DIAPH2: variants seen among roughly 807,000 people sequenced by gnomAD.
The protein encoded by DIAPH2 is diaphanous related formin 2.
A neutral mutation model predicts 92.7 loss-of-function variants in DIAPH2; 35 were observed. That is an observed-to-expected ratio of 0.38 (90% CI 0.29 to 0.50). The LOEUF (loss-of-function observed/expected upper bound fraction) is 0.50, where lower values mean the gene tolerates loss of function less well. Ranked by LOEUF, DIAPH2 falls within the 20% of genes least tolerant of loss-of-function variation. The pLI is 0.94. For missense variants in DIAPH2, 701 were observed against 819.5 expected, an observed-to-expected ratio of 0.86 and a Z score of 1.77; for synonymous variants, 301 against 280.4, an observed-to-expected ratio of 1.07 and a Z score of -0.73.
At chrX:97,184,842 T>G (rs2147468689) in intron 22 of DIAPH2, among the ~76,000 whole-genome samples, 1 of 111,620 alleles carries the variant, frequency 9.0e-6, no homozygotes, top group Non-Finnish European at 1.9e-5. Flanking sequence ...GAAATCTTGT[T>G]TATTGTAAGG....
chrX:97,161,051 G>GTTTTTTTT (rs533317066), intron 22 of DIAPH2, among the ~76,000 whole-genome samples: 18 of 88,914 alleles, frequency 2.0e-4, no homozygotes, highest in African/African-American at 2.9e-4. Context: ...TTGTTTTTTT[G>GTTTTTTTT]TTTTTTTTTT....
intron 26 of DIAPH2, among the ~76,000 whole-genome samples, chrX:97,489,286 C>T (rs1188156232): frequency 3.6e-5 from 4 of 111,404 alleles, no homozygotes; most frequent in Non-Finnish European, 7.5e-5. Flanking sequence ...GATTTTGTAT[C>T]GTGCAACTTT....
intron 26 of DIAPH2, among the ~76,000 whole-genome samples, chrX:97,577,130 A>G (rs2071404037): frequency 8.9e-6 from 1 of 111,876 alleles, no homozygotes; most frequent in Admixed American, 9.5e-5. Context: ...TTTTCCTTCA[A>G]CACCCCTAAG....
intron 15 of DIAPH2, among the ~76,000 whole-genome samples, chrX:96,950,560 C>T (rs972832882): frequency 2.7e-5 from 3 of 111,652 alleles, no homozygotes; most frequent in Non-Finnish European, 3.8e-5. Context: ...TACACCTCTT[C>T]GCATCAAACC....
intron 26 of DIAPH2, among the ~76,000 whole-genome samples, chrX:97,549,214 G>T (rs1320604492): frequency 6.2e-5 from 7 of 112,073 alleles, no homozygotes; most frequent in Admixed American, 1.9e-4. Flanking sequence ...CTGTGAAGTA[G>T]ATCTTAGAAA....
intron 22 of DIAPH2, among the ~76,000 whole-genome samples, chrX:97,180,561 TG>T (rs2067531029): frequency 1.8e-5 from 2 of 112,067 alleles, no homozygotes; most frequent in African/African-American, 6.5e-5. Context: ...TTGGTGGTTT[TG>T]TCATGAAATC....
At chrX:97,225,969 T>A (rs5921639) in intron 22 of DIAPH2, among the ~76,000 whole-genome samples, 2,643 of 111,678 alleles carry the variant, frequency 0.024, 32 homozygotes, top group Middle Eastern at 0.042. Context: ...GAAAAAATAT[T>A]ACACAGCTGC....
intron 23 of DIAPH2, among the ~76,000 whole-genome samples, chrX:97,313,319 G>A (rs898197499): frequency 6.3e-5 from 7 of 111,871 alleles, no homozygotes; most frequent in African/African-American, 2.3e-4. Context: ...AAGCTTTCCT[G>A]TTACACTGAT....
At chrX:96,919,898 T>TATTA (rs1556297673) in intron 9 of DIAPH2, among the ~76,000 whole-genome samples, 29 of 109,258 alleles carry the variant, frequency 2.7e-4, no homozygotes, top group African/African-American at 9.0e-4. Context: ...TTTATTTATT[T>TATTA]ATTAAGATGG....
At chrX:97,507,106 C>T (rs1341191459) in intron 26 of DIAPH2, among the ~76,000 whole-genome samples, 1 of 94,484 alleles carries the variant, frequency 1.1e-5, no homozygotes, top group African/African-American at 4.1e-5. Context: ...GGCCTTTCTT[C>T]CAGATGCTGA....
At chrX:97,318,474 T>A (rs1221964319) in intron 23 of DIAPH2, among the ~76,000 whole-genome samples, 3 of 102,890 alleles carry the variant, frequency 2.9e-5, no homozygotes, top group Admixed American at 1.1e-4. Context: ...TTTCTTTTTT[T>A]TTCTTTACTT....
chrX:97,319,116 A>G (rs2068867867), intron 23 of DIAPH2, among the ~76,000 whole-genome samples: 1 of 111,730 alleles, frequency 9.0e-6, no homozygotes, highest in African/African-American at 3.2e-5. Flanking sequence ...AATTTTGAGA[A>G]TTTTCTAAAA....
chrX:97,430,428 A>T (rs1319937918), intron 26 of DIAPH2, among the ~76,000 whole-genome samples: 1 of 112,425 alleles, frequency 8.9e-6, no homozygotes, highest in African/African-American at 3.2e-5. Flanking sequence ...TCCTCTAAGG[A>T]TAATCCAAGT....
At chrX:97,073,450 G>A (rs1410077147) in intron 18 of DIAPH2, among the ~76,000 whole-genome samples, 1 of 111,817 alleles carries the variant, frequency 8.9e-6, no homozygotes. Context: ...AAGTAATTGC[G>A]ATGTGAGCTA....
At chrX:96,875,716 T>C (rs1328383029) in intron 4 of DIAPH2, among the ~76,000 whole-genome samples, 1 of 111,017 alleles carries the variant, frequency 9.0e-6, no homozygotes, top group Non-Finnish European at 1.9e-5. Context: ...CTTCAATTGA[T>C]AATATGTAGT....
intron 25 of DIAPH2, among the ~76,000 whole-genome samples, chrX:97,399,600 T>C (rs971586349): frequency 7.1e-5 from 8 of 112,194 alleles, no homozygotes; most frequent in Admixed American, 6.6e-4. Flanking sequence ...GATGCATTGC[T>C]TCCTGGTGGG....
intron 22 of DIAPH2, among the ~76,000 whole-genome samples, chrX:97,213,629 T>C (rs2067858812): frequency 8.9e-6 from 1 of 112,319 alleles, no homozygotes; most frequent in South Asian, 3.7e-4. Flanking sequence ...CGTAACTGTA[T>C]TAAATATTAG....
At position 96,937,337 on chromosome X, in the gene DIAPH2, T is replaced by A. The variant is rs1261912558; in HGVS notation, c.1194T>A (p.Ile398=). The part of the protein sequence containing the change: ...LTELSHRLND[I]RAEMDDMNEV... Reference sequence around the variant, plus strand: ...AATTATCACACCGTCTCAATGACATTCGAGCAGAAATGGAATATCCTTTGA... The same window carrying A: ...AATTATCACACCGTCTCAATGACATACGAGCAGAAATGGAATATCCTTTGA... Residue 398 remains isoleucine (I), a synonymous_variant, in exon 11 of 27, where the codon ATT becomes ATA. Transcript: ENST00000324765. 8.9e-7 allele frequency: 1 copy of A among 1,129,832 alleles called. No homozygotes were observed. Among genetic ancestry groups the A allele is most frequent in the Admixed American group, 2.3e-5 (1 of 42,928 alleles). The allele number at this position is 1,129,832 out of a possible 1,213,427, so 93.1% of individuals were successfully genotyped here.
chrX:96,739,388 A>G (rs952721937), intron 3 of DIAPH2, among the ~76,000 whole-genome samples: 1 of 111,800 alleles, frequency 8.9e-6, no homozygotes, highest in Non-Finnish European at 1.9e-5. Context: ...ATTTGACCAG[A>G]GAAGAACTAG....
Sources: gnomAD v4.1 joint callset for allele counts (sites outside exome capture counted in the v4.1 genomes callset) on GRCh38, gnomAD v4.1.1 for gene constraint, MANE v1.5 for transcripts, NCBI Gene and HGNC (gene_info 2026-07-23, HGNC 2026-07-21) for gene names.